Variants in PPARGC1A observed in about 807,000 individuals in gnomAD.
PPARGC1A encodes the protein PPARG coactivator 1 alpha.
PPARGC1A carries 25 observed loss-of-function variants against 88.7 expected under a neutral mutation model. The observed-to-expected ratio is 0.28, with a 90% confidence interval of 0.21 to 0.39. The LOEUF is 0.39. Ranked by LOEUF, PPARGC1A falls within the 10% of genes least tolerant of loss-of-function variation. The probability of loss-of-function intolerance (pLI) is 1.00; values close to 1 mark genes in which losing one functional copy is unlikely to be tolerated. For missense variants in PPARGC1A, 880 were observed against 968.7 expected, an observed-to-expected ratio of 0.91 and a Z score of 1.22; for synonymous variants, 363 against 355.6, an observed-to-expected ratio of 1.02 and a Z score of -0.24.
At chr4:24,278,540 G>A in the PPARGC1A span, among the ~76,000 whole-genome samples, 1 of 152,086 alleles carries the variant, frequency 6.6e-6, no homozygotes, top group Non-Finnish European at 1.5e-5. Context: ...AAAACAGACA[G>A]TGGACAAATT....
chr4:23,997,921 A>G, the PPARGC1A span, among the ~76,000 whole-genome samples: 1 of 152,146 alleles, frequency 6.6e-6, no homozygotes, highest in Non-Finnish European at 1.5e-5. Context: ...TAAAAGGGAC[A>G]TTTCTCTTTA....
chr4:24,263,300 G>A, the PPARGC1A span, among the ~76,000 whole-genome samples: 1 of 152,136 alleles, frequency 6.6e-6, no homozygotes, highest in African/African-American at 2.4e-5. Context: ...ATAAAACAAA[G>A]CAGAAGAGAT....
chr4:24,143,188 G>C, the PPARGC1A span, among the ~76,000 whole-genome samples: 1 of 152,184 alleles, frequency 6.6e-6, no homozygotes, highest in Non-Finnish European at 1.5e-5. Flanking sequence ...TTACTCTCTT[G>C]TTTTTCATTT....
intron 2 of PPARGC1A, among the ~76,000 whole-genome samples, chr4:23,877,210 C>T (rs574079377): frequency 2.0e-5 from 3 of 151,932 alleles, no homozygotes; most frequent in South Asian, 4.2e-4. Context: ...TACCTCTGAG[C>T]GCACAGTCTT....
At chr4:23,799,603 C>T (rs956478448) in intron 12 of PPARGC1A, among the ~76,000 whole-genome samples, 4 of 152,146 alleles carry the variant, frequency 2.6e-5, no homozygotes, top group African/African-American at 7.2e-5. Context: ...TTGGAAAAAT[C>T]CATCCTACTA....
At chr4:24,382,972 C>G in the PPARGC1A span, among the ~76,000 whole-genome samples, 1 of 152,196 alleles carries the variant, frequency 6.6e-6, no homozygotes, top group Non-Finnish European at 1.5e-5. Flanking sequence ...TTGATAGACA[C>G]CTCATACAGG....
the PPARGC1A span, among the ~76,000 whole-genome samples, chr4:24,089,320 C>T: frequency 3.3e-5 from 5 of 151,978 alleles, no homozygotes; most frequent in Non-Finnish European, 5.9e-5. Context: ...CTTATGGGGA[C>T]CCAGCCTAGC....
chr4:23,876,816 A>C (rs2148800371), intron 2 of PPARGC1A, among the ~76,000 whole-genome samples: 1 of 152,246 alleles, frequency 6.6e-6, no homozygotes, highest in East Asian at 1.9e-4. Flanking sequence ...CAAAAAAAGA[A>C]AAGGAGAAAG....
the PPARGC1A span, among the ~76,000 whole-genome samples, chr4:24,239,432 G>A: frequency 2.0e-5 from 3 of 152,210 alleles, no homozygotes; most frequent in Non-Finnish European, 2.9e-5. Context: ...GCATCTGAGG[G>A]CTGGTGTAGT....
chr4:24,275,027 A>T, the PPARGC1A span, among the ~76,000 whole-genome samples: 5 of 152,226 alleles, frequency 3.3e-5, no homozygotes. Flanking sequence ...AAAAAGAAAC[A>T]TCTATTCAGA....
upstream of PPARGC1A, among the ~76,000 whole-genome samples, chr4:23,905,428 T>C (rs1426811582): frequency 2.6e-5 from 4 of 152,202 alleles, no homozygotes; most frequent in Non-Finnish European, 2.9e-5. Context: ...AAAGTTTCCA[T>C]GGTGACCTAC....
At chr4:24,091,232 G>C in the PPARGC1A span, among the ~76,000 whole-genome samples, 20 of 152,188 alleles carry the variant, frequency 1.3e-4, no homozygotes, top group African/African-American at 4.8e-4. Context: ...CATAAATTTA[G>C]CAACACCTAT....
chr4:23,910,733 G>A, the PPARGC1A span, among the ~76,000 whole-genome samples: 5 of 151,320 alleles, frequency 3.3e-5, no homozygotes, highest in South Asian at 6.3e-4. Context: ...CCACCGTGCC[G>A]GCCATATATT....
chr4:24,095,349 T>C, the PPARGC1A span, among the ~76,000 whole-genome samples: 1 of 152,092 alleles, frequency 6.6e-6, no homozygotes, highest in African/African-American at 2.4e-5. Context: ...ACTCCTGACC[T>C]CAAGTGATCT....
chr4:24,405,775 T>C, the PPARGC1A span, among the ~76,000 whole-genome samples: 8 of 152,168 alleles, frequency 5.3e-5, no homozygotes, highest in Admixed American at 5.2e-4. Context: ...CTTCCAACAA[T>C]GATTTATTCA....
At chr4:23,972,336 AAG>A in the PPARGC1A span, among the ~76,000 whole-genome samples, 1 of 152,192 alleles carries the variant, frequency 6.6e-6, no homozygotes, top group African/African-American at 2.4e-5. Flanking sequence ...TAAAAATAGA[AAG>A]AACAGATGTG....
the PPARGC1A span, among the ~76,000 whole-genome samples, chr4:24,106,803 G>T: frequency 6.6e-6 from 1 of 152,180 alleles, no homozygotes; most frequent in Non-Finnish European, 1.5e-5. Context: ...CACATGACCT[G>T]CCAGCCCCCA....
the PPARGC1A span, among the ~76,000 whole-genome samples, chr4:24,193,476 C>A: frequency 1.3e-5 from 2 of 152,174 alleles, no homozygotes; most frequent in Non-Finnish European, 2.9e-5. Context: ...CGCAGTGAGA[C>A]CCCTGGGCAA....
chr4:24,362,449 T>C, the PPARGC1A span, among the ~76,000 whole-genome samples: 1 of 152,128 alleles, frequency 6.6e-6, no homozygotes. Flanking sequence ...TAAATGCTTT[T>C]ACAGTTTTTT....
Sources: allele counts gnomAD v4.1 joint callset (sites outside exome capture counted in the v4.1 genomes callset), GRCh38; gene constraint gnomAD v4.1.1; transcripts MANE v1.5; gene names NCBI Gene and HGNC (gene_info 2026-07-23, HGNC 2026-07-21).